Variants in DMD observed in about 807,000 individuals in gnomAD.
The protein encoded by DMD is mutant dystrophin.
DMD carries 63 observed loss-of-function variants against 330.1 expected under a neutral mutation model. The ratio of observed to expected loss-of-function variants is 0.19; its 90% CI spans 0.16 to 0.24. The LOEUF (loss-of-function observed/expected upper bound fraction) is 0.24. Ranked by LOEUF, DMD falls within the 10% of genes least tolerant of loss-of-function variation. DMD has a pLI of 1.00. For missense variants in DMD, 3,344 were observed against 2,684.1 expected, an observed-to-expected ratio of 1.25 and a Z score of -5.43; for synonymous variants, 1,223 against 959.8, an observed-to-expected ratio of 1.27 and a Z score of -5.07.
chrX:31,884,567 G>A (rs965892511), intron 47 of DMD, among the ~76,000 whole-genome samples: 17 of 111,649 alleles, frequency 1.5e-4, no homozygotes, highest in Admixed American at 1.0e-3. Flanking sequence ...CTAGTTATCT[G>A]TTGTAACTCA....
chrX:32,449,688 G>A (rs2098322148), intron 26 of DMD, among the ~76,000 whole-genome samples: 1 of 109,084 alleles, frequency 9.2e-6, no homozygotes, highest in Non-Finnish European at 1.9e-5. Context: ...AAGAGAGTTG[G>A]TGGTGGTCTT....
chrX:32,512,445 C>T (rs1461273243), intron 18 of DMD, among the ~76,000 whole-genome samples: 1 of 112,089 alleles, frequency 8.9e-6, no homozygotes, highest in Non-Finnish European at 1.9e-5. Context: ...TTAAATGCAA[C>T]TGCAGAACTG....
intron 1 of DMD, among the ~76,000 whole-genome samples, chrX:33,245,966 A>G (rs1159882130): frequency 8.9e-6 from 1 of 111,939 alleles, no homozygotes; most frequent in African/African-American, 3.2e-5. Flanking sequence ...GGGTTCATGA[A>G]GGAATTTTTT....
chrX:32,641,693 G>C (rs1284640195), intron 11 of DMD: 2 of 132,970 alleles, frequency 1.5e-5, no homozygotes, highest in East Asian at 3.6e-4. Context: ...CATAGCTTTG[G>C]ATATACTTAA....
intron 2 of DMD, among the ~76,000 whole-genome samples, chrX:33,010,044 ATG>A (rs1407870988): frequency 2.3e-5 from 1 of 42,962 alleles, no homozygotes; most frequent in Non-Finnish European, 6.6e-5. Flanking sequence ...GTATATACAC[ATG>A]TGTATATATA....
intron 1 of DMD, among the ~76,000 whole-genome samples, chrX:33,064,251 GCACT>G (rs904820053): frequency 2.4e-3 from 261 of 110,269 alleles, no homozygotes; most frequent in African/African-American, 8.1e-3. Flanking sequence ...AGAACTAAGG[GCACT>G]CACTCTATAG....
At chrX:32,849,848 T>C in intron 2 of DMD, 28 bp from the exon 3 acceptor site, 1 of 1,024,536 alleles carries the variant, frequency 9.8e-7, no homozygotes, top group Non-Finnish European at 1.4e-6. Context: ...ACACTCAATT[T>C]AACAAAGCAC....
At chrX:31,507,577 C>T (rs1039779811) in intron 55 of DMD, 124 bp from the exon 56 acceptor site, 24 of 678,808 alleles carry the variant, frequency 3.5e-5, no homozygotes, top group Non-Finnish European at 5.3e-5. Context: ...TTCAATCAGG[C>T]TAAACTAACA....
chrX:32,101,745 A>G (rs573879954), intron 44 of DMD, among the ~76,000 whole-genome samples: 2 of 111,557 alleles, frequency 1.8e-5, no homozygotes, highest in South Asian at 7.5e-4. Flanking sequence ...TTGCTTCTAT[A>G]TAACATTTTA....
In DMD at chrX:32,610,355, T is replaced by A. The variant is rs183998216; in HGVS notation, c.1482+3948A>T. Among the ~76,000 whole-genome samples, 909 of 111,051 alleles carry A rather than the reference T, an allele frequency of 8.2e-3. 2 individuals are homozygous for A. The highest frequency in any genetic ancestry group is 0.017 in the Admixed American group (175 of 10,414). Reference sequence around the variant, plus strand: ...CCAGAGTAAAGAGTTTGGCTAGATTTAATAGTAACCACCATATAGGATCAA... The same window carrying A: ...CCAGAGTAAAGAGTTTGGCTAGATTAAATAGTAACCACCATATAGGATCAA... On this transcript the variant is annotated intron_variant, in intron 12 of 78. Coordinates refer to ENST00000357033, the MANE Select transcript of DMD (RefSeq NM_004006.3).
chrX:32,300,359 G>C (rs1247475239), intron 42 of DMD, among the ~76,000 whole-genome samples: 1 of 111,123 alleles, frequency 9.0e-6, no homozygotes, highest in Non-Finnish European at 1.9e-5. Flanking sequence ...GCATTTCCTG[G>C]CTGAGTTTCC....
chrX:31,258,353 C>T (rs1482743120), intron 63 of DMD, among the ~76,000 whole-genome samples: 1 of 112,200 alleles, frequency 8.9e-6, no homozygotes, highest in African/African-American at 3.2e-5. Flanking sequence ...ACAATAGGCC[C>T]GCAATAAATG....
At chrX:32,860,207 T>TA (rs2081970890) in intron 2 of DMD, among the ~76,000 whole-genome samples, 1 of 111,801 alleles carries the variant, frequency 8.9e-6, no homozygotes, top group Non-Finnish European at 1.9e-5. Flanking sequence ...CAAATCAAAG[T>TA]AAAAAAATTT....
intron 59 of DMD, among the ~76,000 whole-genome samples, chrX:31,476,517 T>C (rs1037293922): frequency 1.9e-5 from 2 of 105,966 alleles, no homozygotes; most frequent in African/African-American, 6.9e-5. Flanking sequence ...TATATATATA[T>C]ATCATATGGG....
chrX:33,109,117 G>A (rs2095319121), intron 1 of DMD, among the ~76,000 whole-genome samples: 1 of 109,474 alleles, frequency 9.1e-6, no homozygotes, highest in East Asian at 2.9e-4. Flanking sequence ...AAGTTCCCTA[G>A]ATCAACCACT....
chrX:32,949,043 C>T (rs955833111), intron 2 of DMD, among the ~76,000 whole-genome samples: 15 of 110,448 alleles, frequency 1.4e-4, no homozygotes, highest in East Asian at 2.8e-4. Flanking sequence ...TCTGTTTGCT[C>T]GTCACATAAA....
intron 19 of DMD, among the ~76,000 whole-genome samples, chrX:32,496,862 T>A (rs762799626): frequency 8.9e-6 from 1 of 112,292 alleles, no homozygotes; most frequent in Non-Finnish European, 1.9e-5. Context: ...AACTGCCCAG[T>A]ACTGAGGAAG....
intron 2 of DMD, among the ~76,000 whole-genome samples, chrX:32,931,471 CTG>C (rs2089591092): frequency 9.0e-6 from 1 of 111,643 alleles, no homozygotes; most frequent in Non-Finnish European, 1.9e-5. Context: ...AATAGAGTAA[CTG>C]TGTTATTCTG....
chrX:32,571,926 G>A (rs1015028374), intron 15 of DMD, among the ~76,000 whole-genome samples: 9 of 111,130 alleles, frequency 8.1e-5, no homozygotes, highest in Non-Finnish European at 1.7e-4. Context: ...ATTAGTCCTC[G>A]TACCATCAAA....
Sources: allele counts gnomAD v4.1 joint callset (sites outside exome capture counted in the v4.1 genomes callset), GRCh38; gene constraint gnomAD v4.1.1; transcripts MANE v1.5; gene names NCBI Gene and HGNC (gene_info 2026-07-23, HGNC 2026-07-21).